CNTFR: variants seen among roughly 807,000 people sequenced by gnomAD.
CNTFR encodes ciliary neurotrophic factor receptor subunit alpha.
In CNTFR, 12 loss-of-function variants were observed where a neutral mutation model predicts 40.4. That is an observed-to-expected ratio of 0.30 (90% CI 0.19 to 0.48). The LOEUF is 0.48. Ranked by LOEUF, CNTFR falls within the 20% of genes least tolerant of loss-of-function variation. The pLI is 0.99. For missense variants in CNTFR, 414 were observed against 506.8 expected (o/e 0.82, Z 1.76); for synonymous variants, 202 against 209.6 (o/e 0.96, Z 0.31).
At chr9:34,563,890 A>G (rs1826170308) in intron 4 of CNTFR, among the ~76,000 whole-genome samples, 1 of 152,102 alleles carries the variant, frequency 6.6e-6, no homozygotes, top group African/African-American at 2.4e-5. Context: ...CCCTCCACTC[A>G]GAGTGATCTT....
rs568210084 is a variant in CNTFR, at chr9:34,559,269, G to A, written c.320-1285C>T. 5.3e-5 allele frequency among the ~76,000 whole-genome samples: 8 copies of A among 152,302 alleles called. No individual in the cohort carries two copies. The South Asian group carries it at 6.2e-4, about 12-fold the overall frequency. On this transcript the variant is annotated intron_variant, in intron 4 of 9. Transcript: ENST00000378980. ...ACTGTGAGTGACTCTGTGTGATTGC[G>A]TGTGCGTGTCCAGTATGTGTGATGC... is the stretch of plus-strand genomic sequence containing the variant.
chr9:34,576,181 T>G (rs1826951941), intron 2 of CNTFR, among the ~76,000 whole-genome samples: 1 of 152,056 alleles, frequency 6.6e-6, no homozygotes, highest in African/African-American at 2.4e-5. Context: ...TCGCAGACAC[T>G]GGCATTCAGA....
At chr9:34,576,864 G>A (rs1587161426) in intron 2 of CNTFR, among the ~76,000 whole-genome samples, 1 of 152,330 alleles carries the variant, frequency 6.6e-6, no homozygotes, top group East Asian at 1.9e-4. Context: ...GTGATCCCAA[G>A]GCCTCTTCAA....
intron 2 of CNTFR, among the ~76,000 whole-genome samples, chr9:34,574,623 G>A (rs899471416): frequency 1.3e-5 from 2 of 152,218 alleles, no homozygotes; most frequent in Non-Finnish European, 2.9e-5. Context: ...TCTCGACGCT[G>A]GCTGAGGCTG....
At chr9:34,556,632 C>T (rs1030682886) in intron 6 of CNTFR, among the ~76,000 whole-genome samples, 1 of 152,172 alleles carries the variant, frequency 6.6e-6, no homozygotes, top group Non-Finnish European at 1.5e-5. Flanking sequence ...TAATGACTGT[C>T]ACTACAGTCA....
Position 34,568,988 on chromosome 9 carries a change from G to A in CNTFR, c.1-7C>T. 1 of 1,584,682 alleles carries A rather than the reference G, an allele frequency of 6.3e-7. No homozygotes were observed. ...ACGGGACAGGAGCAGCCATCTGTTG[G>A]GAGAAACCGGGGTGGGGGAGGGGTC... is the stretch of plus-strand genomic sequence containing the variant. On this transcript the variant is annotated splice_polypyrimidine_tract_variant and splice_region_variant and intron_variant, in intron 2 of 9. Coordinates refer to ENST00000378980, the MANE Select transcript of CNTFR (RefSeq NM_147164.3).
At chr9:34,588,696 GGGGAGGGGGACAA>G (rs531552202) in intron 1 of CNTFR, among the ~76,000 whole-genome samples, 269 of 152,312 alleles carry the variant, frequency 1.8e-3, no homozygotes, top group African/African-American at 6.2e-3. Flanking sequence ...CTACTGGAGG[GGGGAGGGGGACAA>G]GGGAGCGAGC....
At chr9:34,565,123 G>T (rs1826228632) in intron 3 of CNTFR, among the ~76,000 whole-genome samples, 1 of 152,074 alleles carries the variant, frequency 6.6e-6, no homozygotes, top group African/African-American at 2.4e-5. Context: ...CAGAGAGTTT[G>T]CATAGTGCTG....
At chr9:34,572,677 G>A (rs552299668) in intron 2 of CNTFR, among the ~76,000 whole-genome samples, 1 of 152,316 alleles carries the variant, frequency 6.6e-6, no homozygotes, top group East Asian at 1.9e-4. Flanking sequence ...TTGTCCCACT[G>A]TGGCATAAAG....
intron 2 of CNTFR, among the ~76,000 whole-genome samples, chr9:34,574,822 T>C (rs1039221059): frequency 3.3e-5 from 5 of 152,226 alleles, no homozygotes; most frequent in Admixed American, 2.0e-4. Flanking sequence ...GAGATCAGCA[T>C]GTGCGTGCCC....
At chr9:34,558,408 G>A (rs1446829716) in intron 4 of CNTFR, among the ~76,000 whole-genome samples, 3 of 152,098 alleles carry the variant, frequency 2.0e-5, no homozygotes, top group Admixed American at 6.5e-5. Flanking sequence ...CTGGAGTATC[G>A]GGTGCACTTC....
chr9:34,552,476 T>TA lies in CNTFR; in HGVS notation c.950-148dup. Reference sequence around the variant, plus strand: ...GATCCTGTTTCCCAAGGCTCACAGATAACCCCTCCACCCAATGACCCCTAC... The same window carrying TA: ...GATCCTGTTTCCCAAGGCTCACAGATAAACCCCTCCACCCAATGACCCCTAC... On this transcript the variant is annotated intron_variant, in intron 8 of 9. Coordinates refer to ENST00000378980, the MANE Select transcript of CNTFR (RefSeq NM_147164.3). The surrounding 1 kb of genome is among the most constrained non-coding windows in gnomAD (Gnocchi z 5.1). 1.9e-6 allele frequency: 2 copies of TA among 1,073,384 alleles called. No individual in the cohort carries two copies. The highest frequency in any genetic ancestry group is 5.2e-5 in the East Asian group (2 of 38,482). 66.5% of individuals were successfully genotyped at this position (1,073,384 alleles called of 1,614,324 possible).
At chr9:34,567,696 C>T (rs1190840550) in intron 3 of CNTFR, among the ~76,000 whole-genome samples, 1 of 152,142 alleles carries the variant, frequency 6.6e-6, no homozygotes, top group Non-Finnish European at 1.5e-5. Context: ...AAGGATACAG[C>T]CCCACAAAGG....
intron 4 of CNTFR, among the ~76,000 whole-genome samples, chr9:34,561,994 G>A (rs567941583): frequency 1.3e-4 from 20 of 152,338 alleles, no homozygotes; most frequent in African/African-American, 4.8e-4. Flanking sequence ...CAGGGCAGCT[G>A]TGGGCATGTC....
At chr9:34,577,488 T>C (rs984692628) in intron 2 of CNTFR, among the ~76,000 whole-genome samples, 1 of 151,954 alleles carries the variant, frequency 6.6e-6, no homozygotes, top group South Asian at 2.1e-4. Context: ...AATCAGGCAG[T>C]GGGGACTAAA....
At position 34,564,611 on chromosome 9, in the gene CNTFR, G is replaced by T; in HGVS notation, c.307C>A (p.Leu103Met). 6.2e-7 allele frequency: 1 copy of T among 1,610,214 alleles called. No individual in the cohort carries two copies. Among genetic ancestry groups the T allele is most frequent in the Non-Finnish European group, 8.5e-7 (1 of 1,178,348 alleles). ...DSWHLRHQVL[L>M]HVGLPPREPV... is the part of the protein sequence containing the mutation. ...GGGCAACACTTACAGCCCACATGCA[G>T]CAGGACTTGGTGGCGCAGGTGCCAG... The change falls in exon 4 of 10, where the codon CTG becomes ATG. Residue 103 changes from leucine to methionine, a missense_variant. By Grantham distance (15) the Leu-to-Met change is conservative (BLOSUM62 2). This residue lies in a region of CNTFR where 250 missense variants were observed against 269.5 expected (regional missense o/e 0.93). Transcript: ENST00000378980.
rs551304342 is a variant in CNTFR, at chr9:34,552,546, C to T, written c.949+128G>A. On this transcript the variant is annotated intron_variant, in intron 8 of 9. Transcript: ENST00000378980. This position sits in a 1 kb window ranked among gnomAD's most constrained non-coding sequence, Gnocchi z 5.1. ...AGGACCAGGAATGGCAGGAGTTGGACAGACAGGCAGAAGTGTGGCTACCCC... is the reference window on the plus strand; with the variant it reads ...AGGACCAGGAATGGCAGGAGTTGGATAGACAGGCAGAAGTGTGGCTACCCC... The T allele has an allele frequency of 3.5e-5, 39 of 1,110,592 alleles. No homozygotes were observed. Among genetic ancestry groups the T allele is most frequent in the Admixed American group, 8.0e-5 (3 of 37,594 alleles). 68.8% of individuals were successfully genotyped at this position (1,110,592 alleles called of 1,614,324 possible).
At position 34,581,747 on chromosome 9, in the gene CNTFR, T is replaced by C. The variant is rs1476785639; in HGVS notation, c.-111-542A>G. On this transcript the variant is annotated intron_variant, in intron 1 of 9. Transcript: ENST00000378980. ...CATTTGATAACCAAGGAGATTGAGC[T>C]TCAAGGAGGCCTTGCCCAATACCAC... Among the ~76,000 whole-genome samples, 7 of 152,342 alleles carry C rather than the reference T, an allele frequency of 4.6e-5. No homozygotes were observed. The East Asian group carries it at 1.4e-3, about 29-fold the overall frequency.
intron 4 of CNTFR, among the ~76,000 whole-genome samples, chr9:34,562,966 G>A (rs984372427): frequency 3.3e-5 from 5 of 151,986 alleles, no homozygotes; most frequent in African/African-American, 1.2e-4. Context: ...AATGCTGATG[G>A]TCTTTAGGGC....
Sources: gnomAD v4.1 joint callset for allele counts (sites outside exome capture counted in the v4.1 genomes callset) on GRCh38, gnomAD v4.1.1 for gene constraint, gnomAD v4.1.1 regional missense constraint, Gnocchi (gnomAD v3.1) non-coding constraint, MANE v1.5 for transcripts, NCBI Gene and HGNC (gene_info 2026-07-23, HGNC 2026-07-21) for gene names.